The following ZMAT4 variants were observed in gnomAD, a reference collection of about 807,000 sequenced individuals.
ZMAT4 encodes the protein zinc finger matrin-type 4.
In ZMAT4, 17 loss-of-function variants were observed where a neutral mutation model predicts 28.7. That is an observed-to-expected ratio of 0.59 (90% CI 0.41 to 0.89). The LOEUF is 0.89. ZMAT4 is among the 40% of genes least tolerant of loss of function. ZMAT4 has a pLI of 0.00. For synonymous variants in ZMAT4, 117 were observed against 109.2 expected, an observed-to-expected ratio of 1.07 and a Z score of -0.44; for missense variants, 240 against 283.8, an observed-to-expected ratio of 0.85 and a Z score of 1.11.
chr8:40,734,161 C>T (rs1811657757), intron 3 of ZMAT4, among the ~76,000 whole-genome samples: 1 of 152,130 alleles, frequency 6.6e-6, no homozygotes, highest in Non-Finnish European at 1.5e-5. Flanking sequence ...AGTTATTTCT[C>T]AATAGGCACA....
Position 40,742,420 on chromosome 8 carries a change from T to C in ZMAT4, c.192+25221A>G, listed in dbSNP as rs556882887. ...ATATATATATATATTTGCAGATATATAAAAGTAAAGAAATCTGAAAGGATC... is the reference window on the plus strand; with the variant it reads ...ATATATATATATATTTGCAGATATACAAAAGTAAAGAAATCTGAAAGGATC... On this transcript the variant is annotated intron_variant, in intron 3 of 6. Coordinates refer to ENST00000297737, the MANE Select transcript of ZMAT4 (RefSeq NM_024645.3). Among the ~76,000 whole-genome samples the C allele has an allele frequency of 3.3e-5, 5 of 151,208 alleles. No homozygotes were observed. The South Asian group carries it at 1.0e-3, about 31-fold the overall frequency.
At chr8:40,564,064 T>C (rs1209257010) in intron 6 of ZMAT4, among the ~76,000 whole-genome samples, 2 of 152,154 alleles carry the variant, frequency 1.3e-5, no homozygotes, top group Non-Finnish European at 2.9e-5. Flanking sequence ...TGAATAAATA[T>C]GATCATGAAA....
At chr8:40,772,136 A>G (rs1002417704) in intron 2 of ZMAT4, among the ~76,000 whole-genome samples, 1 of 152,214 alleles carries the variant, frequency 6.6e-6, no homozygotes, top group Non-Finnish European at 1.5e-5. Flanking sequence ...TTGCATTTTG[A>G]GCAAAACTCA....
chr8:40,582,887 G>A (rs1318700802), intron 5 of ZMAT4, among the ~76,000 whole-genome samples: 1 of 152,170 alleles, frequency 6.6e-6, no homozygotes, highest in East Asian at 1.9e-4. Flanking sequence ...TCCAGTTGAA[G>A]CCCTACTGGG....
At chr8:40,623,896 C>T (rs1211688683) in intron 5 of ZMAT4, among the ~76,000 whole-genome samples, 1 of 152,120 alleles carries the variant, frequency 6.6e-6, no homozygotes, top group Non-Finnish European at 1.5e-5. Flanking sequence ...ACTAGTGGCC[C>T]TTTGTCCCTG....
At chr8:40,549,575 T>C (rs542927740) in intron 6 of ZMAT4, among the ~76,000 whole-genome samples, 1 of 152,248 alleles carries the variant, frequency 6.6e-6, no homozygotes, top group East Asian at 1.9e-4. Context: ...TAATCAGAGA[T>C]TCCTCACACA....
chr8:40,564,516 C>T (rs1803851614), intron 6 of ZMAT4, among the ~76,000 whole-genome samples: 1 of 152,102 alleles, frequency 6.6e-6, no homozygotes, highest in Admixed American at 6.6e-5. Flanking sequence ...TCCCTGCCTG[C>T]AAAGTAGACA....
At chr8:40,883,206 C>T (rs1029395232) in intron 1 of ZMAT4, among the ~76,000 whole-genome samples, 1 of 152,212 alleles carries the variant, frequency 6.6e-6, no homozygotes, top group Admixed American at 6.5e-5. Context: ...CTGGGCAGAG[C>T]AGTCTCCACA....
intron 4 of ZMAT4, among the ~76,000 whole-genome samples, chr8:40,682,093 AAT>A (rs1479059677): frequency 6.6e-6 from 1 of 152,192 alleles, no homozygotes; most frequent in African/African-American, 2.4e-5. Context: ...AAATCTTAGT[AAT>A]AGGTGTTTCT....
At chr8:40,785,408 A>G (rs1470461187) in intron 2 of ZMAT4, among the ~76,000 whole-genome samples, 2 of 152,226 alleles carry the variant, frequency 1.3e-5, no homozygotes, top group Non-Finnish European at 2.9e-5. Flanking sequence ...TAGATCTTCT[A>G]TATTCTAACA....
chr8:40,668,376 A>G (rs990157100), intron 5 of ZMAT4, among the ~76,000 whole-genome samples: 3 of 150,656 alleles, frequency 2.0e-5, no homozygotes, highest in Non-Finnish European at 3.0e-5. Context: ...AGGCTGAGGC[A>G]GGAGAATTGC....
At chr8:40,784,574 A>T (rs536004284) in intron 2 of ZMAT4, among the ~76,000 whole-genome samples, 2 of 152,362 alleles carry the variant, frequency 1.3e-5, no homozygotes, top group South Asian at 4.1e-4. Flanking sequence ...CAAGAAAGAA[A>T]GAGATCTAAG....
intron 1 of ZMAT4, among the ~76,000 whole-genome samples, chr8:40,880,878 A>G (rs1818197730): frequency 6.6e-6 from 1 of 151,870 alleles, no homozygotes; most frequent in Admixed American, 6.6e-5. Context: ...ATGTTTTCAC[A>G]CTCTACGCTT....
chr8:40,609,800 C>G (rs1045535124), intron 5 of ZMAT4, among the ~76,000 whole-genome samples: 1 of 152,118 alleles, frequency 6.6e-6, no homozygotes, highest in South Asian at 2.1e-4. Flanking sequence ...GGCTTTCCCC[C>G]AGTTTTAAGT....
At chr8:40,630,486 G>A (rs111488539) in intron 5 of ZMAT4, among the ~76,000 whole-genome samples, 87 of 152,260 alleles carry the variant, frequency 5.7e-4, no homozygotes, top group African/African-American at 1.9e-3. Flanking sequence ...CAACCAAACC[G>A]TGGGGAACTT....
At chr8:40,794,607 G>A (rs1003559978) in intron 2 of ZMAT4, among the ~76,000 whole-genome samples, 4 of 152,180 alleles carry the variant, frequency 2.6e-5, no homozygotes, top group East Asian at 1.9e-4. Context: ...AGCAGAGCAC[G>A]TGGCCTGGTG....
At position 40,684,646 on chromosome 8, in the gene ZMAT4, C is replaced by G. The variant is rs150172187; in HGVS notation, c.350-9715G>C. 4.6e-3 allele frequency among the ~76,000 whole-genome samples: 698 copies of G among 152,348 alleles called. 6 individuals are homozygous for G. Among genetic ancestry groups the G allele is most frequent in the African/African-American group, 0.016 (666 of 41,576 alleles). On this transcript the variant is annotated intron_variant, in intron 4 of 6. Coordinates refer to ENST00000297737, the MANE Select transcript of ZMAT4 (RefSeq NM_024645.3). ...ATTAGCTATTCAACTAGAGAGCCAG[C>G]TTCCTGGATCATTTCTTATATCCTT...
At chr8:40,846,523 T>C (rs1037079664) in intron 1 of ZMAT4, among the ~76,000 whole-genome samples, 1 of 152,198 alleles carries the variant, frequency 6.6e-6, no homozygotes. Context: ...TGCAGAGTAA[T>C]TAAAATCATT....
At chr8:40,561,090 C>A (rs1803722883) in intron 6 of ZMAT4, among the ~76,000 whole-genome samples, 1 of 152,114 alleles carries the variant, frequency 6.6e-6, no homozygotes, top group African/African-American at 2.4e-5. Context: ...AAAAGATCGT[C>A]TTTGATTTAT....
Sources: gnomAD v4.1 joint callset for allele counts (sites outside exome capture counted in the v4.1 genomes callset) on GRCh38, gnomAD v4.1.1 for gene constraint, MANE v1.5 for transcripts, NCBI Gene and HGNC (gene_info 2026-07-23, HGNC 2026-07-21) for gene names.